Variants in PHLPP2 observed in about 807,000 individuals in gnomAD.
PHLPP2 encodes PH domain and leucine rich repeat protein phosphatase 2, also known as PH domain leucine-rich repeat-containing protein phosphatase 2.
In PHLPP2, 66 loss-of-function variants were observed where a neutral mutation model predicts 124.9. The ratio of observed to expected loss-of-function variants is 0.53; its 90% CI spans 0.43 to 0.65. The LOEUF (loss-of-function observed/expected upper bound fraction) is 0.65. PHLPP2 is among the 30% of genes least tolerant of loss of function. PHLPP2 has a pLI of 0.00. For synonymous variants in PHLPP2, 681 were observed against 624.7 expected, an observed-to-expected ratio of 1.09 and a Z score of -1.34; for missense variants, 1,685 against 1,600.4, an observed-to-expected ratio of 1.05 and a Z score of -0.90.
Position 71,686,175 on chromosome 16 carries a change from G to A in PHLPP2, c.610-1574C>T, listed in dbSNP as rs146779066. 2.0e-3 allele frequency among the ~76,000 whole-genome samples: 306 copies of A among 152,206 alleles called. 2 individuals are homozygous for A. Among genetic ancestry groups the A allele is most frequent in the African/African-American group, 6.9e-3 (288 of 41,528 alleles). ...GGTATAACCTAAAATAAAATTCACTGGTTTTTGTTGTATTTTTTTGAAACA... is the reference window on the plus strand; with the variant it reads ...GGTATAACCTAAAATAAAATTCACTAGTTTTTGTTGTATTTTTTTGAAACA... On this transcript the variant is annotated intron_variant, in intron 4 of 18. Coordinates refer to ENST00000568954, the MANE Select transcript of PHLPP2 (RefSeq NM_015020.3).
intron 2 of PHLPP2, among the ~76,000 whole-genome samples, chr16:71,704,829 A>C (rs1567627660): frequency 6.6e-6 from 1 of 152,204 alleles, no homozygotes; most frequent in Non-Finnish European, 1.5e-5. Context: ...TCTGAGAGAA[A>C]GACACGTTTT....
rs564221838 is a variant in PHLPP2, at chr16:71,699,300, GTTCT to G, written c.418+3294_418+3297del. Among the ~76,000 whole-genome samples the G allele has an allele frequency of 8.2e-3, 1,241 of 152,196 alleles. 9 individuals are homozygous for G. Among genetic ancestry groups the G allele is most frequent in the Non-Finnish European group, 0.013 (864 of 68,018 alleles). On this transcript the variant is annotated intron_variant, in intron 3 of 18. Transcript: ENST00000568954. ...CTGTTTGTCTGCTCTCTCCTGAATG[GTTCT>G]TTCTGAGTGTCTTTTTACCAATCGA...
intron 1 of PHLPP2, among the ~76,000 whole-genome samples, chr16:71,720,315 A>C (rs913661803): frequency 6.6e-6 from 1 of 151,130 alleles, no homozygotes; most frequent in Non-Finnish European, 1.5e-5. Flanking sequence ...ACGGGGTTTC[A>C]CTATGTTGGC....
At chr16:71,651,624 C>T (rs2044697077) in intron 18 of PHLPP2, among the ~76,000 whole-genome samples, 1 of 152,128 alleles carries the variant, frequency 6.6e-6, no homozygotes. Context: ...AAACTAATGC[C>T]TCATACTTCC....
chr16:71,656,419 G>A, intron 16 of PHLPP2, 152 bp downstream of exon 16: 1 of 539,188 alleles, frequency 1.9e-6, no homozygotes, highest in Non-Finnish European at 3.3e-6. Context: ...ACGTTATCAT[G>A]ATCCCAAAGG....
intron 3 of PHLPP2, among the ~76,000 whole-genome samples, chr16:71,693,956 G>A (rs895866678): frequency 6.6e-6 from 1 of 152,126 alleles, no homozygotes; most frequent in Non-Finnish European, 1.5e-5. Context: ...ACTTTGGGAG[G>A]CCCGGGCAGT....
At chr16:71,668,706 G>C (rs2044863528) in intron 11 of PHLPP2, among the ~76,000 whole-genome samples, 1 of 152,054 alleles carries the variant, frequency 6.6e-6, no homozygotes, top group African/African-American at 2.4e-5. Context: ...TGATGCTGCA[G>C]TGAGGAGTGA....
chr16:71,723,551 C>A (rs2145393686), intron 1 of PHLPP2: 1 of 202,142 alleles, frequency 4.9e-6, no homozygotes, highest in Middle Eastern at 1.8e-3. Context: ...AGCGGGGTAC[C>A]GAGGCGCCGA....
At chr16:71,675,786 C>T (rs578181036) in intron 9 of PHLPP2, among the ~76,000 whole-genome samples, 22 of 152,276 alleles carry the variant, frequency 1.4e-4, no homozygotes, top group East Asian at 3.9e-4. Context: ...TGCAATGGCA[C>T]GGTCTCAGCT....
At chr16:71,707,912 C>A (rs1234893039) in intron 2 of PHLPP2, among the ~76,000 whole-genome samples, 1 of 152,178 alleles carries the variant, frequency 6.6e-6, no homozygotes, top group Non-Finnish European at 1.5e-5. Flanking sequence ...CTAACTCTGG[C>A]AGTCAGTGTC....
At position 71,650,092 on chromosome 16, in the gene PHLPP2, G is replaced by C. The variant is rs748209892; in HGVS notation, c.2818-48C>G. 4 of 1,432,294 alleles carry C rather than the reference G, an allele frequency of 2.8e-6. No homozygotes were observed. The East Asian group carries it at 6.8e-5, about 24-fold the overall frequency. 88.7% of individuals were successfully genotyped at this position (1,432,294 alleles called of 1,614,324 possible). On this transcript the variant is annotated intron_variant, in intron 18 of 18. Coordinates refer to ENST00000568954, the MANE Select transcript of PHLPP2 (RefSeq NM_015020.3). ...TTCTGAGAAACAAGCAACGATGAGA[G>C]CCAACTTATCTTTCTAGATCACAGT...
intron 7 of PHLPP2, among the ~76,000 whole-genome samples, 191 bp downstream of exon 7, chr16:71,679,198 T>C (rs2044974355): frequency 6.6e-6 from 1 of 152,224 alleles, no homozygotes. Flanking sequence ...AGACCGCTGC[T>C]GTTGAAGCTG....
intron 4 of PHLPP2, 22 bp downstream of exon 4, chr16:71,690,497 A>T: frequency 1.3e-6 from 2 of 1,486,172 alleles, no homozygotes. Flanking sequence ...AATGAAAAAT[A>T]ATTCATCTTT....
At chr16:71,716,809 C>G (rs927865354) in intron 1 of PHLPP2, among the ~76,000 whole-genome samples, 12 of 152,304 alleles carry the variant, frequency 7.9e-5, no homozygotes, top group Admixed American at 6.5e-4. Context: ...CTTATTCTCC[C>G]TAGACAGAAT....
chr16:71,723,365 C>T (rs2045410525), intron 1 of PHLPP2: 1 of 152,346 alleles, frequency 6.6e-6, no homozygotes, highest in Non-Finnish European at 1.5e-5. Flanking sequence ...TGCGTACTTC[C>T]AGCCCCGCTC....
chr16:71,688,133 A>G (rs1464200563), intron 4 of PHLPP2, among the ~76,000 whole-genome samples: 1 of 152,230 alleles, frequency 6.6e-6, no homozygotes, highest in Non-Finnish European at 1.5e-5. Context: ...CCATCCCTTT[A>G]TGACCTTTAA....
At chr16:71,680,633 G>A (rs1016773999) in intron 6 of PHLPP2, among the ~76,000 whole-genome samples, 1 of 152,160 alleles carries the variant, frequency 6.6e-6, no homozygotes, top group Non-Finnish European at 1.5e-5. Context: ...AGTGCAAGAT[G>A]GTAAGGCTGA....
intron 13 of PHLPP2, among the ~76,000 whole-genome samples, chr16:71,660,315 G>T (rs2044777162): frequency 7.3e-6 from 1 of 136,602 alleles, no homozygotes. Flanking sequence ...GTTTGAGGCT[G>T]CAGTGAGTTA....
At chr16:71,717,175 T>C (rs2145387180) in intron 1 of PHLPP2, among the ~76,000 whole-genome samples, 1 of 152,364 alleles carries the variant, frequency 6.6e-6, no homozygotes, top group Non-Finnish European at 1.5e-5. Context: ...CTTTCAGTAG[T>C]ATTCCTCATT....
Sources: gnomAD v4.1 joint callset for allele counts (sites outside exome capture counted in the v4.1 genomes callset) on GRCh38, gnomAD v4.1.1 for gene constraint, MANE v1.5 for transcripts, NCBI Gene and HGNC (gene_info 2026-07-23, HGNC 2026-07-21) for gene names.